Variants in GALNT15 observed in about 807,000 individuals in gnomAD.
The protein encoded by GALNT15 is UDP-GalNAc transferase T15.
In GALNT15, 67 loss-of-function variants were observed where a neutral mutation model predicts 66.8. The observed-to-expected ratio is 1.00, with a 90% CI of 0.82 to 1.23. The LOEUF is 1.23. Among genes scored for constraint, GALNT15 ranks in the 50% most tolerant of loss-of-function variants. The probability of loss-of-function intolerance (pLI) is 0.00; values close to 1 mark genes in which losing one functional copy is unlikely to be tolerated. For missense variants in GALNT15, 827 were observed against 804.3 expected (o/e 1.03, Z -0.34); for synonymous variants, 313 against 311.5 (o/e 1.00, Z -0.05).
At chr3:16,241,399 A>C in the GALNT15 span, among the ~76,000 whole-genome samples, 1 of 152,214 alleles carries the variant, frequency 6.6e-6, no homozygotes, top group Non-Finnish European at 1.5e-5. The surrounding 1 kb of genome is among the most constrained non-coding windows in gnomAD (Gnocchi z 4.6). Flanking sequence ...GGTCAAATTT[A>C]AGAGGACTTT....
At chr3:16,215,475 TTC>T (rs1273287659) in intron 6 of GALNT15, among the ~76,000 whole-genome samples, 2 of 152,236 alleles carry the variant, frequency 1.3e-5, no homozygotes, top group African/African-American at 2.4e-5. Context: ...TTAGTATTTT[TTC>T]TCTCTTAGCT....
Position 16,175,243 on chromosome 3 carries a change from C to A in GALNT15, c.92C>A (p.Ala31Glu). 1.2e-6 allele frequency: 2 copies of A among 1,614,098 alleles called. No individual in the cohort carries two copies. The highest frequency in any genetic ancestry group is 2.2e-5 in the South Asian group (2 of 91,074). Residue 31 changes from alanine to glutamate, a missense_variant, in exon 1 of 10, where the codon GCG (alanine) becomes GAG (glutamate). Ala to Glu is a moderately radical substitution (Grantham distance 107, BLOSUM62 -1). Coordinates refer to ENST00000339732, the MANE Select transcript of GALNT15 (RefSeq NM_054110.5). The surrounding 1 kb of genome is among the most constrained non-coding windows in gnomAD (Gnocchi z 5.6). The stretch of plus-strand genomic sequence containing the variant: ...CTGGGATGCGTCCTGATGATGGTGG[C>A]GATGTTGCACCCTCCCCACCACACC... Reference protein sequence around the residue: ...LMLGCVLMMVAMLHPPHHTLH... With the variant: ...LMLGCVLMMVEMLHPPHHTLH...
downstream of GALNT15, among the ~76,000 whole-genome samples, chr3:16,231,392 T>G (rs1322483031): frequency 2.0e-5 from 3 of 152,222 alleles, no homozygotes; most frequent in African/African-American, 7.2e-5. The surrounding 1 kb of genome is among the most constrained non-coding windows in gnomAD (Gnocchi z 4.1). Flanking sequence ...TGAAATGTGC[T>G]CTTTGGACAT....
rs2124854023 is a variant in GALNT15, at chr3:16,191,259, G to A, written c.540-4501G>A. On this transcript the variant is annotated intron_variant, in intron 1 of 9. Transcript: ENST00000339732. The surrounding 1 kb of genome is among the most constrained non-coding windows in gnomAD (Gnocchi z 5.2). The stretch of plus-strand genomic sequence containing the variant: ...TCTGCCTCCTTCTTCCTCCTGCTGC[G>A]GGAAGGAGCCCCCAAAGAATCAAGA... The A allele has an allele frequency of 4.6e-6, 4 of 860,470 alleles. No individual in the cohort carries two copies. Among genetic ancestry groups the A allele is most frequent in the Non-Finnish European group, 5.6e-6 (4 of 716,096 alleles). 53.3% of individuals were successfully genotyped at this position (860,470 alleles called of 1,614,324 possible).
At chr3:16,202,896 C>A (rs1389349436) in intron 3 of GALNT15, among the ~76,000 whole-genome samples, 2 of 152,240 alleles carry the variant, frequency 1.3e-5, no homozygotes, top group Non-Finnish European at 2.9e-5. Context: ...CTCAGGGTCA[C>A]ACAGCCATTT....
chr3:16,219,297 T>G lies in GALNT15; in HGVS notation c.1393-106T>G. ...GAGAACTGTGGTCTTGGCCCCTTCC[T>G]TCTGTCCTGATCCTTTAGCTTCTTC... is the stretch of plus-strand genomic sequence containing the variant. On this transcript the variant is annotated intron_variant, in intron 6 of 9. Coordinates refer to ENST00000339732, the MANE Select transcript of GALNT15 (RefSeq NM_054110.5). This position sits in a 1 kb window ranked among gnomAD's most constrained non-coding sequence, Gnocchi z 4.3. The G allele has an allele frequency of 6.8e-7, 1 of 1,467,388 alleles. No individual in the cohort carries two copies. Among genetic ancestry groups the G allele is most frequent in the Non-Finnish European group, 9.3e-7 (1 of 1,074,230 alleles). 90.9% of individuals were successfully genotyped at this position (1,467,388 alleles called of 1,614,324 possible). A position where few individuals can be genotyped will look rare whatever the true frequency, so the allele number is the denominator to read the frequency against.
intron 1 of GALNT15, among the ~76,000 whole-genome samples, chr3:16,194,466 T>C (rs913289859): frequency 6.6e-6 from 1 of 152,196 alleles, no homozygotes; most frequent in Admixed American, 6.5e-5. Flanking sequence ...ATTGCAAAAA[T>C]TTTCTCCAAT....
In GALNT15 at chr3:16,229,501, A is replaced by G. The variant is rs2064060655; in HGVS notation, c.*2001A>G. The G allele has an allele frequency of 3.0e-6, 3 of 984,764 alleles. No homozygotes were observed. Among genetic ancestry groups the G allele is most frequent in the South Asian group, 9.4e-5 (2 of 21,278 alleles). The allele number at this position is 984,764 out of a possible 1,614,324, so 61.0% of individuals were successfully genotyped here. ...ATAGATTCATTATCCCATCTAGAGA[A>G]GAGACTTTAGTCACTGTCTTCTTGC... is the stretch of plus-strand genomic sequence containing the variant. On this transcript the variant is annotated 3_prime_UTR_variant, in exon 10 of 10. Coordinates refer to ENST00000339732, the MANE Select transcript of GALNT15 (RefSeq NM_054110.5).
At chr3:16,221,793 T>G (rs2063945103) in intron 8 of GALNT15, among the ~76,000 whole-genome samples, 1 of 152,200 alleles carries the variant, frequency 6.6e-6, no homozygotes, top group Non-Finnish European at 1.5e-5. Context: ...TGGGCTTAGG[T>G]TCACATGTGT....
chr3:16,240,266 CA>C, the GALNT15 span, among the ~76,000 whole-genome samples: 53,272 of 152,032 alleles, frequency 0.35, 9,451 homozygotes, highest in Middle Eastern at 0.4. Flanking sequence ...GATTACTTTG[CA>C]GATTTAAAAA....
intron 3 of GALNT15, among the ~76,000 whole-genome samples, chr3:16,205,883 T>C (rs2063751068): frequency 6.6e-6 from 1 of 152,086 alleles, no homozygotes; most frequent in Admixed American, 6.5e-5. Context: ...GATTAATCAC[T>C]CTTGTATACA....
chr3:16,192,570 A>G (rs1433223259), intron 1 of GALNT15, among the ~76,000 whole-genome samples: 4 of 152,312 alleles, frequency 2.6e-5, no homozygotes, highest in Admixed American at 2.0e-4. Flanking sequence ...GCATGGCCAC[A>G]AAAGAAGTGG....
intron 3 of GALNT15, among the ~76,000 whole-genome samples, chr3:16,207,212 A>T (rs2063765982): frequency 6.6e-6 from 1 of 152,186 alleles, no homozygotes; most frequent in Non-Finnish European, 1.5e-5. Context: ...TGGAACAGAG[A>T]TGGAATTTGA....
Position 16,228,057 on chromosome 3 carries a change from T to C in GALNT15, c.*557T>C. ...GAGCTACAGAAAGGAGGTTTAGGAT[T>C]GCAGAGAAGATGCAAGAGCACTTTG... On this transcript the variant is annotated 3_prime_UTR_variant, in exon 10 of 10. Transcript: ENST00000339732. The C allele has an allele frequency of 1.0e-6, 1 of 986,588 alleles. No homozygotes were observed. Among genetic ancestry groups the C allele is most frequent in the Non-Finnish European group, 1.2e-6 (1 of 830,536 alleles). 61.1% of individuals were successfully genotyped at this position (986,588 alleles called of 1,614,324 possible). A position where few individuals can be genotyped will look rare whatever the true frequency, so the allele number is the denominator to read the frequency against.
At position 16,228,509 on chromosome 3, in the gene GALNT15, C is replaced by T. The variant is rs758024148; in HGVS notation, c.*1009C>T. ...TACAAAAATTAGCTGGGCATGGTGG[C>T]GCATACCTGTAATCCCAGCTACTTG... is the stretch of plus-strand genomic sequence containing the variant. On this transcript the variant is annotated 3_prime_UTR_variant, in exon 10 of 10. Transcript: ENST00000339732. The T allele has an allele frequency of 5.0e-4, 274 of 545,120 alleles. 1 individual carries two copies. The highest frequency in any genetic ancestry group is 6.3e-4 in the Non-Finnish European group (270 of 428,102). 33.8% of individuals were successfully genotyped at this position (545,120 alleles called of 1,614,324 possible).
chr3:16,205,916 A>T (rs1029566266), intron 3 of GALNT15, among the ~76,000 whole-genome samples: 1 of 152,234 alleles, frequency 6.6e-6, no homozygotes, highest in African/African-American at 2.4e-5. Context: ...GAAAAAGAAG[A>T]TTTCAGAAAG....
At chr3:16,192,473 T>G (rs1026254983) in intron 1 of GALNT15, among the ~76,000 whole-genome samples, 1 of 152,156 alleles carries the variant, frequency 6.6e-6, no homozygotes, top group Non-Finnish European at 1.5e-5. Flanking sequence ...TTTAGGGTTT[T>G]TTTTTTCATA....
chr3:16,193,306 T>C lies in GALNT15; in HGVS notation c.540-2454T>C, dbSNP rs532374381. On this transcript the variant is annotated intron_variant, in intron 1 of 9. Coordinates refer to ENST00000339732, the MANE Select transcript of GALNT15 (RefSeq NM_054110.5). The surrounding 1 kb of genome is among the most constrained non-coding windows in gnomAD (Gnocchi z 4.7). ...GCCCTTATAACCTATATATTTATGT[T>C]CTTTCTCCAAATGCTGACTTTCTAA... Among the ~76,000 whole-genome samples, 1 of 152,368 alleles carries C rather than the reference T, an allele frequency of 6.6e-6. No individual in the cohort carries two copies. Among genetic ancestry groups the C allele is most frequent in the Admixed American group, 6.5e-5 (1 of 15,312 alleles).
At chr3:16,230,589 G>A (rs5846910), downstream of GALNT15, among the ~76,000 whole-genome samples, 5,341 of 122,954 alleles carry the variant, frequency 0.043, 316 homozygotes, top group African/African-American at 0.15. This position sits in a 1 kb window ranked among gnomAD's most constrained non-coding sequence, Gnocchi z 4.5. Context: ...CAAAAAAAAA[G>A]AAAAGAAAAA....
Sources: allele counts gnomAD v4.1 joint callset (sites outside exome capture counted in the v4.1 genomes callset), GRCh38; gene constraint gnomAD v4.1.1; non-coding constraint Gnocchi (gnomAD v3.1); transcripts MANE v1.5; gene names NCBI Gene and HGNC (gene_info 2026-07-23, HGNC 2026-07-21).